The following SMG1 variants were observed in gnomAD, a reference collection of about 807,000 sequenced individuals.
The protein encoded by SMG1 is SMG1 nonsense mediated mRNA decay associated PI3K related kinase.
In SMG1, 22 loss-of-function variants were observed where a neutral mutation model predicts 419.9. That is an observed-to-expected ratio of 0.05 (90% CI 0.04 to 0.07). SMG1 has a LOEUF of 0.07. Among genes scored for constraint, SMG1 ranks in the 10% least tolerant of loss-of-function variants. SMG1 has a pLI of 1.00. For missense variants in SMG1, 3,185 were observed against 4,342.0 expected (o/e 0.73, Z 7.49); for synonymous variants, 1,538 against 1,553.5 (o/e 0.99, Z 0.23).
intron 1 of SMG1, among the ~76,000 whole-genome samples, chr16:18,902,902 C>T (rs369983307): frequency 4.1e-4 from 63 of 152,184 alleles, no homozygotes; most frequent in Middle Eastern, 3.4e-3. Flanking sequence ...AGTGCAGTGG[C>T]GCAATCCGAG....
chr16:18,872,807 C>T (rs1567404677), intron 13 of SMG1, among the ~76,000 whole-genome samples, 183 bp from the exon 14 acceptor site: 2 of 152,120 alleles, frequency 1.3e-5, no homozygotes, highest in Non-Finnish European at 2.9e-5. Flanking sequence ...CCTTTGCGTG[C>T]AATATACCAT....
intron 1 of SMG1, among the ~76,000 whole-genome samples, chr16:18,924,493 A>G (rs989964308): frequency 1.3e-5 from 2 of 152,228 alleles, no homozygotes; most frequent in Non-Finnish European, 2.9e-5. Flanking sequence ...TCATTTATTT[A>G]CCACCTAATT....
intron 1 of SMG1, among the ~76,000 whole-genome samples, chr16:18,903,934 CTTTTTTT>C (rs71141091): frequency 2.0e-5 from 2 of 99,876 alleles, no homozygotes; most frequent in African/African-American, 8.3e-5. Flanking sequence ...TATGTCTTGT[CTTTTTTT>C]TTTTTTTTTT....
At chr16:18,912,000 G>A (rs2037810694) in intron 1 of SMG1, among the ~76,000 whole-genome samples, 1 of 149,352 alleles carries the variant, frequency 6.7e-6, no homozygotes, top group Non-Finnish European at 1.5e-5. Context: ...AGAATCGCTT[G>A]AACCCGGGAG....
chr16:18,845,386 T>C (rs777116567), intron 39 of SMG1, 43 bp downstream of exon 39: 2 of 1,535,894 alleles, frequency 1.3e-6, no homozygotes, highest in Admixed American at 3.5e-5. Flanking sequence ...TCATGGGAAC[T>C]GTGATGTGCC....
chr16:18,859,034 T>C lies in SMG1; in HGVS notation c.4101A>G (p.Arg1367=), dbSNP rs1195663087. The change falls in exon 28 of 63, where the codon AGA becomes AGG. Residue 1367 remains arginine (R), a synonymous_variant. Coordinates refer to ENST00000446231, the MANE Select transcript of SMG1 (RefSeq NM_015092.5). ...AAAATATACAGACCTCTGTTGAAAG[T>C]CTGTTAGAAACTGTGTTCTCCAAAG... is the stretch of plus-strand genomic sequence containing the variant. ...SSALENTVSN[R]LSTEDCLIPL... 2 of 1,527,992 alleles carry C rather than the reference T, an allele frequency of 1.3e-6. No individual in the cohort carries two copies. Among genetic ancestry groups the C allele is most frequent in the African/African-American group, 2.8e-5 (2 of 72,678 alleles). 94.7% of individuals were successfully genotyped at this position (1,527,992 alleles called of 1,614,324 possible).
At chr16:18,818,878 A>G (rs546389368) in intron 56 of SMG1, among the ~76,000 whole-genome samples, 2 of 142,376 alleles carry the variant, frequency 1.4e-5, no homozygotes, top group Admixed American at 1.5e-4. Flanking sequence ...ATTCAGTGGC[A>G]CGATCTTGGA....
chr16:18,910,470 T>A (rs2037749850), intron 1 of SMG1, among the ~76,000 whole-genome samples: 1 of 151,914 alleles, frequency 6.6e-6, no homozygotes, highest in Non-Finnish European at 1.5e-5. Context: ...ATCTCGGTGA[T>A]CTGACAGCCT....
In SMG1 at chr16:18,868,540, A is replaced by G. The variant is rs2035643202; in HGVS notation, c.3013T>C (p.Leu1005=). 1 of 1,592,980 alleles carries G rather than the reference A, an allele frequency of 6.3e-7. No homozygotes were observed. Among genetic ancestry groups the G allele is most frequent in the Non-Finnish European group, 8.5e-7 (1 of 1,175,784 alleles). ...AAACCAACCTTGGGAGGTGAAGTTA[A>G]TGCATTAGCACATCCCTCGTATGCA... ...YNAYEGCANA[L]TSPPKVIRTF... is the part of the protein sequence containing the mutation. Residue 1005 remains leucine, a synonymous_variant, in exon 21 of 63, where the codon TTA becomes CTA. Transcript: ENST00000446231.
intron 10 of SMG1, among the ~76,000 whole-genome samples, chr16:18,881,646 C>T (rs2036402586): frequency 6.6e-6 from 1 of 152,120 alleles, no homozygotes; most frequent in Admixed American, 6.5e-5. Flanking sequence ...GGATGTGCTA[C>T]ATACAGTGCA....
chr16:18,910,684 T>C (rs1026671930), intron 1 of SMG1, among the ~76,000 whole-genome samples: 3 of 152,100 alleles, frequency 2.0e-5, no homozygotes, highest in Non-Finnish European at 2.9e-5. Flanking sequence ...ATACTGTATA[T>C]ACATTCTTAT....
At chr16:18,874,857 A>G (rs2036020651) in intron 13 of SMG1, among the ~76,000 whole-genome samples, 1 of 98,234 alleles carries the variant, frequency 1.0e-5, no homozygotes, top group African/African-American at 4.1e-5. Context: ...CAACAGCATG[A>G]CTCTGTCTCA....
intron 1 of SMG1, among the ~76,000 whole-genome samples, chr16:18,907,274 C>A (rs975900526): frequency 5.3e-5 from 8 of 151,762 alleles, no homozygotes; most frequent in African/African-American, 1.4e-4. Flanking sequence ...GAGAGAAACT[C>A]CATCTCAAAA....
At position 18,847,933 on chromosome 16, in the gene SMG1, C is replaced by G; in HGVS notation, c.5724G>C (p.Gln1908His). The change falls in exon 37 of 63, where the codon CAG (glutamine) becomes CAC (histidine). Residue 1908 changes from glutamine to histidine, a missense_variant. Physicochemically the swap from Gln to His is conservative, Grantham distance 24. Around this residue, in one of 27 missense-constraint regions of SMG1, gnomAD observed 130 missense variants for 162.0 expected, o/e 0.80. Transcript: ENST00000446231. ...ECEGGSPPAS[Q>H]DSNKDEPKSG... ...TTTTAGGTTCATCCTTATTGCTATC[C>G]TGAGATGCAGGAGGACTTCCTCCCT... The G allele has an allele frequency of 1.2e-6, 2 of 1,614,014 alleles. No individual in the cohort carries two copies. Among genetic ancestry groups the G allele is most frequent in the Non-Finnish European group, 1.7e-6 (2 of 1,179,896 alleles).
intron 1 of SMG1, among the ~76,000 whole-genome samples, chr16:18,916,687 T>C (rs1402445906): frequency 1.3e-5 from 2 of 152,100 alleles, no homozygotes; most frequent in East Asian, 3.9e-4. Context: ...CTGTACTCTT[T>C]ACTGTTAGGC....
At chr16:18,853,253 AC>A (rs2034700486) in intron 31 of SMG1, among the ~76,000 whole-genome samples, 1 of 152,174 alleles carries the variant, frequency 6.6e-6, no homozygotes. Flanking sequence ...TCTGTGTTCC[AC>A]CAATCAATAG....
chr16:18,919,193 G>A (rs2038089855), intron 1 of SMG1, among the ~76,000 whole-genome samples: 1 of 151,832 alleles, frequency 6.6e-6, no homozygotes, highest in Non-Finnish European at 1.5e-5. Context: ...CAGGGGTAGT[G>A]GCACATGCCT....
At position 18,845,516 on chromosome 16, in the gene SMG1, A is replaced by G; in HGVS notation, c.6132T>C (p.Tyr2044=). 1 of 1,613,964 alleles carries G rather than the reference A, an allele frequency of 6.2e-7. No homozygotes were observed. The highest frequency in any genetic ancestry group is 1.1e-5 in the South Asian group (1 of 91,084). The change falls in exon 39 of 63, where the codon TAT becomes TAC. Residue 2044 remains tyrosine, a synonymous_variant. Coordinates refer to ENST00000446231, the MANE Select transcript of SMG1 (RefSeq NM_015092.5). Reference sequence around the variant, plus strand: ...CTAGGGCATTTTCAATGGCATCACCATAGTTATCCTGAAACCATTTTTCAT... The same window carrying G: ...CTAGGGCATTTTCAATGGCATCACCGTAGTTATCCTGAAACCATTTTTCAT... ...TPHEKWFQDN[Y]GDAIENALEK...
chr16:18,863,238 G>C (rs2035306103), intron 25 of SMG1, among the ~76,000 whole-genome samples: 1 of 152,184 alleles, frequency 6.6e-6, no homozygotes. Flanking sequence ...ACAGAGGAAT[G>C]AAAAGAAAGT....
Sources: allele counts gnomAD v4.1 joint callset (sites outside exome capture counted in the v4.1 genomes callset), GRCh38; gene constraint gnomAD v4.1.1; regional missense constraint gnomAD v4.1.1; transcripts MANE v1.5; gene names NCBI Gene and HGNC (gene_info 2026-07-23, HGNC 2026-07-21).